Variants in NIPBL observed in about 807,000 individuals in gnomAD.
NIPBL encodes the protein nipped-B-like protein.
A neutral mutation model predicts 321.8 loss-of-function variants in NIPBL; 19 were observed. That is an observed-to-expected ratio of 0.06 (90% CI 0.04 to 0.09). The LOEUF (loss-of-function observed/expected upper bound fraction) is 0.09. NIPBL is among the 10% of genes least tolerant of loss of function. The pLI is 1.00. For missense variants in NIPBL, 2,210 were observed against 3,327.0 expected, an observed-to-expected ratio of 0.66 and a Z score of 8.26; for synonymous variants, 1,106 against 1,114.1, an observed-to-expected ratio of 0.99 and a Z score of 0.14.
Position 37,044,648 on chromosome 5 carries a change from T to A in NIPBL, c.6262T>A (p.Cys2088Ser). ...CTATATCTTTTAGGTAGTGCAACAT[T>A]GTGTGAGCTGTCTTGGAGCTGTTGT... ...IKYGMTVVQH[C>S]VSCLGAVVNK... Residue 2088 changes from cysteine to serine, a missense_variant, in exon 36 of 47, where the codon TGT becomes AGT. Around this residue, in one of 14 missense-constraint regions of NIPBL, gnomAD observed 73 missense variants for 222.3 expected, o/e 0.33. Transcript: ENST00000282516. The A allele has an allele frequency of 6.2e-7, 1 of 1,613,844 alleles. No individual in the cohort carries two copies.
At chr5:36,979,134 G>GTAGTTTGA (rs1743855256) in intron 9 of NIPBL, among the ~76,000 whole-genome samples, 1 of 151,860 alleles carries the variant, frequency 6.6e-6, no homozygotes, top group African/African-American at 2.4e-5. Flanking sequence ...AATTACGTTG[G>GTAGTTTGA]TAGTTTGATA....
At chr5:36,978,103 T>A (rs1382863124) in intron 9 of NIPBL, among the ~76,000 whole-genome samples, 3 of 151,978 alleles carry the variant, frequency 2.0e-5, no homozygotes, top group Non-Finnish European at 4.4e-5. Flanking sequence ...GTAATTTTTT[T>A]CCCTATGGAT....
At position 36,905,753 on chromosome 5, in the gene NIPBL, T is replaced by C. The variant is rs1282724668; in HGVS notation, c.-80+28575T>C. ...GAAAACTATGTTTTTGTTTTTGTGTTTTTTTTTTGAGATGAAGTCTCACTC... is the reference window on the plus strand; with the variant it reads ...GAAAACTATGTTTTTGTTTTTGTGTCTTTTTTTTGAGATGAAGTCTCACTC... On this transcript the variant is annotated intron_variant, in intron 1 of 46. Coordinates refer to ENST00000282516, the MANE Select transcript of NIPBL (RefSeq NM_133433.4). Among the ~76,000 whole-genome samples, 4 of 151,300 alleles carry C rather than the reference T, an allele frequency of 2.6e-5. No individual in the cohort carries two copies. The East Asian group carries it at 7.7e-4, about 29-fold the overall frequency.
chr5:37,026,367 C>A, intron 31 of NIPBL, 40 bp downstream of exon 31: 2 of 1,187,162 alleles, frequency 1.7e-6, no homozygotes, highest in African/African-American at 3.0e-5. Context: ...ACTGTTGATC[C>A]AGACCTAATT....
At chr5:37,027,266 T>C in intron 31 of NIPBL, 93 bp from the exon 32 acceptor site, 1 of 995,292 alleles carries the variant, frequency 1.0e-6, no homozygotes, top group Non-Finnish European at 1.6e-6. Context: ...ATTGAGAAAA[T>C]TGAAACATGT....
chr5:36,913,046 A>T (rs183324742), intron 1 of NIPBL, among the ~76,000 whole-genome samples: 2 of 152,122 alleles, frequency 1.3e-5, no homozygotes, highest in Non-Finnish European at 2.9e-5. Context: ...GAATTGTTCA[A>T]CGTTAAAGGA....
At chr5:36,881,030 GAC>G (rs1745463981) in intron 1 of NIPBL, among the ~76,000 whole-genome samples, 1 of 151,956 alleles carries the variant, frequency 6.6e-6, no homozygotes, top group Non-Finnish European at 1.5e-5. Flanking sequence ...TGCTGACACT[GAC>G]ACCATTTGTT....
intron 9 of NIPBL, among the ~76,000 whole-genome samples, chr5:36,982,935 AATCTT>A (rs1197995292): frequency 7.2e-5 from 11 of 152,008 alleles, no homozygotes; most frequent in Non-Finnish European, 1.5e-4. Context: ...AAAATATAGA[AATCTT>A]AGGTTATATT....
intron 3 of NIPBL, 132 bp downstream of exon 3, chr5:36,955,769 G>T (rs1740870488): frequency 1.4e-6 from 1 of 698,538 alleles, no homozygotes; most frequent in African/African-American, 1.8e-5. Context: ...ATATCCGAGG[G>T]AGAATATAGT....
At chr5:37,008,524 T>C in intron 19 of NIPBL, 99 bp from the exon 20 acceptor site, 2 of 722,400 alleles carry the variant, frequency 2.8e-6, no homozygotes, top group South Asian at 3.2e-5. Flanking sequence ...GAAAACATTT[T>C]CATTCTAAAT....
At chr5:36,883,218 A>T (rs188978479) in intron 1 of NIPBL, among the ~76,000 whole-genome samples, 2 of 151,990 alleles carry the variant, frequency 1.3e-5, no homozygotes, top group African/African-American at 4.8e-5. Flanking sequence ...TAATTCATGT[A>T]GGTAAATTGC....
intron 1 of NIPBL, among the ~76,000 whole-genome samples, chr5:36,933,716 A>T (rs1009233973): frequency 3.9e-5 from 6 of 152,092 alleles, no homozygotes; most frequent in African/African-American, 7.2e-5. Flanking sequence ...ATTCGGTAGC[A>T]GTAAGATACC....
intron 42 of NIPBL, among the ~76,000 whole-genome samples, chr5:37,055,356 TAAAA>T (rs57488198): frequency 1.2e-5 from 1 of 84,654 alleles, no homozygotes; most frequent in Admixed American, 1.3e-4. Context: ...ATCTCAACAG[TAAAA>T]AAAAAAAAAA....
At chr5:37,022,199 C>G (rs1749728784) in intron 28 of NIPBL, 45 bp from the exon 29 acceptor site, 1 of 1,613,008 alleles carries the variant, frequency 6.2e-7, no homozygotes, top group South Asian at 1.1e-5. Context: ...GGAATATTCA[C>G]TCTATTTAGG....
intron 1 of NIPBL, among the ~76,000 whole-genome samples, chr5:36,942,600 G>A (rs1292993351): frequency 1.3e-5 from 2 of 151,554 alleles, no homozygotes; most frequent in East Asian, 3.9e-4. Context: ...ATTAGCTGGG[G>A]GGTGGTGGTG....
chr5:36,955,283 A>G (rs1005163373), intron 2 of NIPBL, among the ~76,000 whole-genome samples, 189 bp from the exon 3 acceptor site: 23 of 152,196 alleles, frequency 1.5e-4, no homozygotes, highest in African/African-American at 5.3e-4. Flanking sequence ...AGTATAATCT[A>G]TTATGGTCCA....
intron 1 of NIPBL, among the ~76,000 whole-genome samples, chr5:36,949,455 A>G (rs1170411579): frequency 6.6e-6 from 1 of 151,890 alleles, no homozygotes; most frequent in East Asian, 1.9e-4. Flanking sequence ...CACATTCTTC[A>G]TCAAATAGAA....
Position 36,939,131 on chromosome 5 carries a change from T to C in NIPBL, c.-79-14487T>C, listed in dbSNP as rs144005148. ...GATCCTTACACCTCAGCCTCCCAAA[T>C]AGCTGGGACTACAGGTGCATACCAC... On this transcript the variant is annotated intron_variant, in intron 1 of 46. Transcript: ENST00000282516. Among the ~76,000 whole-genome samples, 526 of 152,242 alleles carry C rather than the reference T, an allele frequency of 3.5e-3. 8 individuals are homozygous for C. Among genetic ancestry groups the C allele is most frequent in the Admixed American group, 0.031 (476 of 15,278 alleles).
At chr5:37,054,069 G>A (rs1473017774) in intron 42 of NIPBL, among the ~76,000 whole-genome samples, 6 of 151,840 alleles carry the variant, frequency 4.0e-5, no homozygotes, top group Non-Finnish European at 7.4e-5. Context: ...GGTGGCACGC[G>A]CCTGTAATCC....
Sources: gnomAD v4.1 joint callset for allele counts (sites outside exome capture counted in the v4.1 genomes callset) on GRCh38, gnomAD v4.1.1 for gene constraint, gnomAD v4.1.1 regional missense constraint, MANE v1.5 for transcripts, NCBI Gene and HGNC (gene_info 2026-07-23, HGNC 2026-07-21) for gene names.